CACNA1C: variants seen among roughly 807,000 people sequenced by gnomAD.
CACNA1C encodes the protein voltage-dependent L-type calcium channel subunit alpha-1C.
CACNA1C carries 30 observed loss-of-function variants against 229.0 expected under a neutral mutation model. That is an observed-to-expected ratio of 0.13 (90% CI 0.10 to 0.18). The LOEUF is 0.18. CACNA1C is among the 10% of genes least tolerant of loss of function. The probability of loss-of-function intolerance (pLI) is 1.00; values close to 1 mark genes in which losing one functional copy is unlikely to be tolerated. For missense variants in CACNA1C, 1,658 were observed against 2,845.0 expected (o/e 0.58, Z 9.49); for synonymous variants, 1,114 against 1,132.5 (o/e 0.98, Z 0.33).
rs184291878 is a variant in CACNA1C, at chr12:2,275,333, G to A, written c.477+154903G>A. On this transcript the variant is annotated intron_variant, in intron 3 of 46. Transcript: ENST00000399655. The surrounding 1 kb of genome is among the most constrained non-coding windows in gnomAD (Gnocchi z 4.1). ...GACTATGTGTCTCTGCCTGTCTGTG[G>A]ACCCCGACTCCTCACCATCACCCAA... is the stretch of plus-strand genomic sequence containing the variant. Among the ~76,000 whole-genome samples the A allele has an allele frequency of 3.8e-3, 584 of 152,228 alleles. 5 individuals are homozygous for A. The highest frequency in any genetic ancestry group is 0.013 in the African/African-American group (555 of 41,542).
intron 5 of CACNA1C, among the ~76,000 whole-genome samples, chr12:2,463,877 G>A (rs2239083): frequency 0.74 from 112,215 of 152,172 alleles, 42,047 homozygotes; most frequent in East Asian, 0.87. Flanking sequence ...CACTGCAGCC[G>A]TGCTGTGGAG....
At chr12:2,230,075 G>A (rs531440303) in intron 3 of CACNA1C, among the ~76,000 whole-genome samples, 31 of 152,308 alleles carry the variant, frequency 2.0e-4, no homozygotes, top group Admixed American at 5.2e-4. Context: ...GAGGCGGAAG[G>A]GGAAGAAGGG....
intron 3 of CACNA1C, among the ~76,000 whole-genome samples, chr12:2,326,217 A>G (rs1247097551): frequency 1.3e-5 from 2 of 152,002 alleles, no homozygotes; most frequent in Non-Finnish European, 2.9e-5. Flanking sequence ...GGGGGCAGAT[A>G]GTTAGGAGGA....
intron 3 of CACNA1C, among the ~76,000 whole-genome samples, chr12:2,177,565 C>T (rs1413169225): frequency 5.7e-5 from 3 of 52,202 alleles, no homozygotes; most frequent in African/African-American, 1.9e-4. Context: ...CTTTCCTTCC[C>T]TCCCTCCCTC....
chr12:2,360,777 C>T (rs578066745), intron 3 of CACNA1C, among the ~76,000 whole-genome samples: 24 of 146,724 alleles, frequency 1.6e-4, no homozygotes, highest in African/African-American at 6.3e-4. Flanking sequence ...TTGCAATGCT[C>T]GAAGAGTATA....
intron 3 of CACNA1C, among the ~76,000 whole-genome samples, chr12:2,370,421 T>C (rs2097836534): frequency 6.6e-6 from 1 of 152,224 alleles, no homozygotes; most frequent in African/African-American, 2.4e-5. Context: ...TCAGCTCATG[T>C]ATAACAGCAA....
chr12:2,385,340 C>T (rs117946968), intron 3 of CACNA1C, among the ~76,000 whole-genome samples: 3 of 151,878 alleles, frequency 2.0e-5, no homozygotes, highest in East Asian at 1.9e-4. Context: ...CTCCCTCTCC[C>T]GGCAACGGAA....
At chr12:2,392,538 G>A (rs896266796) in intron 3 of CACNA1C, among the ~76,000 whole-genome samples, 5 of 152,166 alleles carry the variant, frequency 3.3e-5, no homozygotes, top group African/African-American at 9.7e-5. Context: ...CTGAGAAACC[G>A]TTGTGTCTGG....
rs138456261 is a variant in CACNA1C at position 2,468,764 on chromosome 12, C to T, written c.757+11058C>T. On this transcript the variant is annotated intron_variant, in intron 5 of 46. Coordinates refer to ENST00000399655, the MANE Select transcript of CACNA1C (RefSeq NM_000719.7). ...AATTGTGATGGGGTGGGAGGCACTCCGGCCTGCCGGTGAGGAGACCAGGGA... is the reference window on the plus strand; with the variant it reads ...AATTGTGATGGGGTGGGAGGCACTCTGGCCTGCCGGTGAGGAGACCAGGGA... Among the ~76,000 whole-genome samples, 114 of 152,340 alleles carry T rather than the reference C, an allele frequency of 7.5e-4. 1 individual carries two copies. The East Asian group carries it at 0.019, about 25-fold the overall frequency.
Position 2,677,804 on chromosome 12 carries a change from G to C in CACNA1C, c.5028G>C (p.Glu1676Asp), listed in dbSNP as rs2096899698. Residue 1676 changes from glutamate to aspartate, a missense_variant, in exon 41 of 47, where the codon GAG (glutamate) becomes GAC (aspartate). Coordinates refer to ENST00000399655, the MANE Select transcript of CACNA1C (RefSeq NM_000719.7). This position sits in a 1 kb window ranked among gnomAD's most constrained non-coding sequence, Gnocchi z 7.4. ...CCATCTCTGGAGATCTCACCGCTGA[G>C]GAGGAGCTGGACAAGGCCATGAAGG... ...RRAISGDLTAEEELDKAMKEA... is the reference protein window; with the variant it reads ...RRAISGDLTADEELDKAMKEA... 1 of 1,613,904 alleles carries C rather than the reference G, an allele frequency of 6.2e-7. No individual in the cohort carries two copies. The highest frequency in any genetic ancestry group is 1.1e-5 in the South Asian group (1 of 91,090).
At chr12:2,316,525 G>A (rs930979732) in intron 3 of CACNA1C, among the ~76,000 whole-genome samples, 1 of 152,240 alleles carries the variant, frequency 6.6e-6, no homozygotes, top group Non-Finnish European at 1.5e-5. Flanking sequence ...TGCTCAGTTA[G>A]TTACTTGAGA....
At chr12:2,093,367 G>A (rs2072235118) in intron 1 of CACNA1C, among the ~76,000 whole-genome samples, 1 of 152,214 alleles carries the variant, frequency 6.6e-6, no homozygotes, top group Non-Finnish European at 1.5e-5. Context: ...TCCTATGCTA[G>A]GCATTGTGAG....
At position 2,583,020 on chromosome 12, in the gene CACNA1C, T is replaced by G. The variant is rs3751254; in HGVS notation, c.2224+78T>G. Reference sequence around the variant, plus strand: ...GCACAGTGCCAAACGGGCACGCCCCTCAGGTCCGGGCGGTCCTGCTCGGGC... The same window carrying G: ...GCACAGTGCCAAACGGGCACGCCCCGCAGGTCCGGGCGGTCCTGCTCGGGC... On this transcript the variant is annotated intron_variant, in intron 15 of 46. Transcript: ENST00000399655. 794,290 of 1,075,796 alleles carry G rather than the reference T, an allele frequency of 0.74. 298,119 individuals are homozygous for G. Among genetic ancestry groups the G allele is most frequent in the Non-Finnish European group, 0.77 (558,456 of 725,270 alleles). 66.6% of individuals were successfully genotyped at this position (1,075,796 alleles called of 1,614,324 possible).
chr12:2,509,859 A>G (rs1860101), intron 8 of CACNA1C, among the ~76,000 whole-genome samples: 2 of 152,150 alleles, frequency 1.3e-5, no homozygotes, highest in Non-Finnish European at 2.9e-5. Context: ...TCATCTGCAC[A>G]TGTCCACAGA....
rs777945172 is a variant in CACNA1C, at chr12:2,385,757, A to G, written c.478-63219A>G. 5.6e-4 allele frequency among the ~76,000 whole-genome samples: 85 copies of G among 152,208 alleles called. 1 individual carries two copies. Among genetic ancestry groups the G allele is most frequent in the Admixed American group, 3.9e-4 (6 of 15,292 alleles). On this transcript the variant is annotated intron_variant, in intron 3 of 46. Transcript: ENST00000399655. The stretch of plus-strand genomic sequence containing the variant: ...AACTATAAACTCCTTAACATGGGCT[A>G]CAAATAGGTGGTTTTCACCCCTGGG...
intron 3 of CACNA1C, among the ~76,000 whole-genome samples, chr12:2,390,564 A>G (rs1292157379): frequency 2.0e-5 from 3 of 152,204 alleles, no homozygotes; most frequent in African/African-American, 4.8e-5. Context: ...GGTAAGTAAT[A>G]GCTTTATGGA....
At position 2,620,923 on chromosome 12, in the gene CACNA1C, G is replaced by A. The variant is rs569306245; in HGVS notation, c.3828+8910G>A. On this transcript the variant is annotated intron_variant, in intron 29 of 46. Transcript: ENST00000399655. ...AATTGTGAGCCCGGAAAAGAAAGTC[G>A]GAATATTAGTGTCAGAAAGGATTGA... Among the ~76,000 whole-genome samples, 6 of 152,292 alleles carry A rather than the reference G, an allele frequency of 3.9e-5. No homozygotes were observed. In the South Asian group the frequency reaches 6.2e-4, roughly 16 times the overall value.
chr12:2,261,762 A>C (rs1390953793), intron 3 of CACNA1C, among the ~76,000 whole-genome samples: 2 of 152,062 alleles, frequency 1.3e-5, no homozygotes, highest in Non-Finnish European at 2.9e-5. Flanking sequence ...CACACACACA[A>C]CAGGTGCTTC....
At chr12:2,035,869 G>A (rs1368415384) in intron 1 of CACNA1C, among the ~76,000 whole-genome samples, 2 of 152,156 alleles carry the variant, frequency 1.3e-5, no homozygotes, top group Non-Finnish European at 2.9e-5. Context: ...CATTACCAGC[G>A]AGTTCTTCTT....
Sources: gnomAD v4.1 joint callset for allele counts (sites outside exome capture counted in the v4.1 genomes callset) on GRCh38, gnomAD v4.1.1 for gene constraint, Gnocchi (gnomAD v3.1) non-coding constraint, MANE v1.5 for transcripts, NCBI Gene and HGNC (gene_info 2026-07-23, HGNC 2026-07-21) for gene names.